Variants in PDE3A observed in about 807,000 individuals in gnomAD.
PDE3A encodes phosphodiesterase 3A.
Under a neutral mutation model 98.3 loss-of-function variants are expected in PDE3A, and 43 were observed. The observed-to-expected ratio is 0.44, with a 90% confidence interval of 0.34 to 0.56. The LOEUF is 0.56. Ranked by LOEUF, PDE3A falls within the 20% of genes least tolerant of loss-of-function variation. PDE3A has a pLI of 0.01. For missense variants in PDE3A, 1,427 were observed against 1,440.7 expected (o/e 0.99, Z 0.15); for synonymous variants, 663 against 567.9 (o/e 1.17, Z -2.38).
chr12:20,431,613 A>ACACACACACACACACACG (rs1266600637), intron 1 of PDE3A, among the ~76,000 whole-genome samples: 1 of 150,808 alleles, frequency 6.6e-6, no homozygotes, highest in Non-Finnish European at 1.5e-5. Context: ...ACACACACAC[A>ACACACACACACACACACG]CACACACACG....
At chr12:20,606,727 A>T (rs928566200) in intron 2 of PDE3A, among the ~76,000 whole-genome samples, 1 of 151,666 alleles carries the variant, frequency 6.6e-6, no homozygotes, top group African/African-American at 2.4e-5. Context: ...GCATGGTAGC[A>T]TATGCCTGTA....
intron 1 of PDE3A, among the ~76,000 whole-genome samples, chr12:20,469,879 A>T (rs1945406330): frequency 6.6e-6 from 1 of 152,204 alleles, no homozygotes; most frequent in South Asian, 2.1e-4. Context: ...CTGAAGTTAA[A>T]GGTCAGTGTT....
chr12:20,546,276 G>A (rs1207232748), intron 1 of PDE3A, among the ~76,000 whole-genome samples: 5 of 151,806 alleles, frequency 3.3e-5, no homozygotes, highest in Non-Finnish European at 7.4e-5. Context: ...CCTAAGCCCC[G>A]GACCAAATGC....
At chr12:20,601,946 T>G (rs1270999763) in intron 2 of PDE3A, among the ~76,000 whole-genome samples, 1 of 152,178 alleles carries the variant, frequency 6.6e-6, no homozygotes, top group African/African-American at 2.4e-5. Context: ...TAGCAATTCT[T>G]GATATTTAAC....
intron 1 of PDE3A, among the ~76,000 whole-genome samples, chr12:20,456,964 G>T (rs1010652310): frequency 9.2e-5 from 14 of 151,992 alleles, no homozygotes; most frequent in Non-Finnish European, 1.8e-4. Flanking sequence ...CTCTTCCCTT[G>T]GTTGAGTTAT....
At chr12:20,527,511 C>T (rs1211208429) in intron 1 of PDE3A, among the ~76,000 whole-genome samples, 3 of 152,012 alleles carry the variant, frequency 2.0e-5, no homozygotes, top group Non-Finnish European at 2.9e-5. Context: ...TTTTCTTTTT[C>T]CTGGGTCCTC....
At position 20,378,578 on chromosome 12, in the gene PDE3A, C is replaced by G. The variant is rs573681738; in HGVS notation, c.960+8334C>G. Among the ~76,000 whole-genome samples, 8 of 151,600 alleles carry G rather than the reference C, an allele frequency of 5.3e-5. No individual in the cohort carries two copies. In the South Asian group the frequency reaches 1.7e-3, roughly 31 times the overall value. ...TAGAAATTCTAAAAAGATCAAAAGG[C>G]AATAGAATCATGGTATACAAAGAAG... On this transcript the variant is annotated intron_variant, in intron 1 of 15. Transcript: ENST00000359062.
chr12:20,565,642 G>A (rs1452406582), intron 2 of PDE3A, among the ~76,000 whole-genome samples: 3 of 151,738 alleles, frequency 2.0e-5, no homozygotes, highest in African/African-American at 4.8e-5. Context: ...CAAAGAAAAC[G>A]GGAAATGTTG....
intron 1 of PDE3A, among the ~76,000 whole-genome samples, chr12:20,498,705 G>A (rs1025936302): frequency 2.0e-5 from 3 of 151,982 alleles, no homozygotes; most frequent in Admixed American, 6.6e-5. Context: ...TTTTTAAAAA[G>A]GCGTTTACTT....
Position 20,552,823 on chromosome 12 carries a change from T to G in PDE3A, c.961-3837T>G. On this transcript the variant is annotated intron_variant, in intron 1 of 15. Transcript: ENST00000359062. The surrounding 1 kb of genome is among the most constrained non-coding windows in gnomAD (Gnocchi z 5.1). ...GTGTATCTGCTGTCAGGAGCTGGTG[T>G]TCCGGCCCATCACGACCGTGTGCCA... is the stretch of plus-strand genomic sequence containing the variant. 1 of 1,614,010 alleles carries G rather than the reference T, an allele frequency of 6.2e-7. No homozygotes were observed. Among genetic ancestry groups the G allele is most frequent in the Non-Finnish European group, 8.5e-7 (1 of 1,179,890 alleles).
chr12:20,378,588 A>G (rs1029147918), intron 1 of PDE3A, among the ~76,000 whole-genome samples: 19 of 151,748 alleles, frequency 1.3e-4, no homozygotes, highest in Non-Finnish European at 2.7e-4. Flanking sequence ...CAATAGAATC[A>G]TGGTATACAA....
intron 15 of PDE3A, among the ~76,000 whole-genome samples, chr12:20,671,296 C>T (rs1311298762): frequency 6.6e-6 from 1 of 150,888 alleles, no homozygotes. Context: ...ACCATTCCTT[C>T]TGAAACTATT....
intron 1 of PDE3A, among the ~76,000 whole-genome samples, chr12:20,483,130 C>T (rs904665381): frequency 5.3e-5 from 8 of 152,138 alleles, no homozygotes; most frequent in African/African-American, 1.9e-4. Context: ...GTAGCTCACT[C>T]CTGTAATCCC....
At chr12:20,537,583 G>A (rs1316428842) in intron 1 of PDE3A, among the ~76,000 whole-genome samples, 1 of 151,974 alleles carries the variant, frequency 6.6e-6, no homozygotes, top group African/African-American at 2.4e-5. Flanking sequence ...ACCGTGCTCT[G>A]TGGTACACAA....
intron 1 of PDE3A, among the ~76,000 whole-genome samples, chr12:20,475,178 A>AGTGTGTGTGTGTGTGT: frequency 1.1e-5 from 1 of 92,500 alleles, no homozygotes; most frequent in African/African-American, 4.1e-5. Context: ...AATGTGTGTG[A>AGTGTGTGTGTGTGTGT]GTGTGTGTGT....
chr12:20,671,245 T>C (rs1945470127), intron 15 of PDE3A, among the ~76,000 whole-genome samples: 1 of 149,436 alleles, frequency 6.7e-6, no homozygotes. Context: ...ACCAGATGGA[T>C]TCACAGCTGA....
intron 1 of PDE3A, among the ~76,000 whole-genome samples, chr12:20,408,190 A>T (rs1944269345): frequency 6.6e-6 from 1 of 152,182 alleles, no homozygotes; most frequent in African/African-American, 2.4e-5. Context: ...AAGTGTTGGG[A>T]TTACAGGCGT....
At chr12:20,636,999 T>G in intron 8 of PDE3A, 101 bp from the exon 9 acceptor site, 1 of 736,910 alleles carries the variant, frequency 1.4e-6, no homozygotes, top group East Asian at 3.0e-5. Context: ...TTTAAGTCAT[T>G]TATTTCCGAT....
intron 1 of PDE3A, among the ~76,000 whole-genome samples, chr12:20,395,077 G>A (rs1301845904): frequency 2.0e-5 from 3 of 152,026 alleles, no homozygotes; most frequent in African/African-American, 7.2e-5. Flanking sequence ...TTGATGGAGG[G>A]ATTCAAATAC....
Sources: gnomAD v4.1 joint callset for allele counts (sites outside exome capture counted in the v4.1 genomes callset) on GRCh38, gnomAD v4.1.1 for gene constraint, Gnocchi (gnomAD v3.1) non-coding constraint, MANE v1.5 for transcripts, NCBI Gene and HGNC (gene_info 2026-07-23, HGNC 2026-07-21) for gene names.